EPHA6: variants seen among roughly 807,000 people sequenced by gnomAD.
EPHA6 encodes EPH receptor A6, also known as ephrin type-A receptor 6.
EPHA6 carries 50 observed loss-of-function variants against 112.0 expected under a neutral mutation model. That is an observed-to-expected ratio of 0.45 (90% CI 0.36 to 0.56). EPHA6 has a LOEUF of 0.56. EPHA6 is among the 20% of genes least tolerant of loss of function. The pLI, the probability that EPHA6 is intolerant of heterozygous loss-of-function variation, is 0.00. For synonymous variants in EPHA6, 529 were observed against 490.7 expected (o/e 1.08, Z -1.03); for missense variants, 1,280 against 1,417.4 (o/e 0.90, Z 1.56).
chr3:96,840,501 C>T (rs1199950321), intron 1 of EPHA6, among the ~76,000 whole-genome samples: 1 of 152,042 alleles, frequency 6.6e-6, no homozygotes, highest in Non-Finnish European at 1.5e-5. Flanking sequence ...TATTCTGGAC[C>T]TTGGGCCTGT....
chr3:97,298,762 GT>G (rs1171817884), intron 5 of EPHA6, among the ~76,000 whole-genome samples: 2 of 151,790 alleles, frequency 1.3e-5, no homozygotes, highest in Non-Finnish European at 2.9e-5. Context: ...ATATTGAAAG[GT>G]TTTTAGATTG....
chr3:97,599,445 A>G, intron 12 of EPHA6, among the ~76,000 whole-genome samples: 1 of 141,692 alleles, frequency 7.1e-6, no homozygotes, highest in Non-Finnish European at 1.5e-5. Flanking sequence ...ATTTTTGTAT[A>G]AGGTGTAAGG....
intron 2 of EPHA6, among the ~76,000 whole-genome samples, chr3:96,881,920 C>G (rs2037336884): frequency 6.6e-6 from 1 of 152,222 alleles, no homozygotes; most frequent in Non-Finnish European, 1.5e-5. Flanking sequence ...GACTCCATGT[C>G]TCACATCCAG....
Position 97,453,404 on chromosome 3 carries a change from T to G in EPHA6, c.1894+4674T>G, listed in dbSNP as rs377613231. 4.0e-5 allele frequency among the ~76,000 whole-genome samples: 6 copies of G among 151,838 alleles called. No homozygotes were observed. In the East Asian group the frequency reaches 7.7e-4, roughly 20 times the overall value. On this transcript the variant is annotated intron_variant, in intron 7 of 17. Transcript: ENST00000389672. ...ATTCCTCTTTTCTGAAAAGATTAAT[T>G]ACAGCTTACATTTTAACAACACGTA...
At chr3:97,215,565 C>A (rs1247057943) in intron 3 of EPHA6, among the ~76,000 whole-genome samples, 1 of 150,124 alleles carries the variant, frequency 6.7e-6, no homozygotes. Flanking sequence ...GAGCTGAGAT[C>A]ATGTCACTGC....
At chr3:96,886,402 G>A (rs904876076) in intron 2 of EPHA6, among the ~76,000 whole-genome samples, 1 of 152,212 alleles carries the variant, frequency 6.6e-6, no homozygotes, top group East Asian at 1.9e-4. Flanking sequence ...TTTCCTCTTG[G>A]ACAAGGCCTT....
rs773494410 is a variant in EPHA6, at chr3:97,592,655, C to A, written c.2430C>A (p.Phe810Leu). The A allele has an allele frequency of 1.9e-6, 3 of 1,613,644 alleles. No homozygotes were observed. Among genetic ancestry groups the A allele is most frequent in the Admixed American group, 3.3e-5 (2 of 59,940 alleles). The change falls in exon 12 of 18, where the codon TTC becomes TTA. Residue 810 changes from phenylalanine to leucine, a missense_variant. Physicochemically the swap from Phe to Leu is conservative, Grantham distance 22. Transcript: ENST00000389672. ...GGGTGGAGGCGTTTTGCCCCAGCTT[C>A]CTGAGGGCAGGGTTTTTAAATAGCA... Reference protein sequence around the residue: ...AIGVEAFCPSFLRAGFLNSIQ... With the variant: ...AIGVEAFCPSLLRAGFLNSIQ...
intron 5 of EPHA6, among the ~76,000 whole-genome samples, chr3:97,268,431 A>T (rs568680238): frequency 6.6e-6 from 1 of 152,258 alleles, no homozygotes; most frequent in East Asian, 1.9e-4. Flanking sequence ...TGTTAATTTA[A>T]CTATTTAAAA....
At chr3:97,435,390 G>A (rs1298180291) in intron 6 of EPHA6, among the ~76,000 whole-genome samples, 1 of 151,948 alleles carries the variant, frequency 6.6e-6, no homozygotes, top group Non-Finnish European at 1.5e-5. Context: ...ATATTATAGG[G>A]TAAAAAATAG....
At chr3:97,382,741 T>C (rs2085828213) in intron 5 of EPHA6, among the ~76,000 whole-genome samples, 3 of 152,000 alleles carry the variant, frequency 2.0e-5, no homozygotes, top group Admixed American at 6.6e-5. Context: ...CAGTTTTCAA[T>C]ATGTTGAAAA....
intron 2 of EPHA6, among the ~76,000 whole-genome samples, chr3:96,878,276 G>C (rs1486995022): frequency 1.3e-5 from 2 of 151,834 alleles, no homozygotes; most frequent in Non-Finnish European, 2.9e-5. Context: ...AGGCACATTA[G>C]AAGACATGAA....
At chr3:97,336,110 A>C (rs1316751667) in intron 5 of EPHA6, among the ~76,000 whole-genome samples, 1 of 152,146 alleles carries the variant, frequency 6.6e-6, no homozygotes, top group Non-Finnish European at 1.5e-5. Context: ...CTCCAGTTGC[A>C]TGACTCCTAA....
At chr3:97,699,771 C>T (rs1312017020) in intron 14 of EPHA6, among the ~76,000 whole-genome samples, 2 of 152,184 alleles carry the variant, frequency 1.3e-5, no homozygotes, top group African/African-American at 4.8e-5. Context: ...AAATTAACTC[C>T]TTTTTAACCA....
At chr3:96,948,614 A>G (rs2041390314) in intron 2 of EPHA6, among the ~76,000 whole-genome samples, 1 of 152,192 alleles carries the variant, frequency 6.6e-6, no homozygotes, top group Non-Finnish European at 1.5e-5. Context: ...TGGTAAAAGG[A>G]AAGTCTTTAT....
intron 14 of EPHA6, among the ~76,000 whole-genome samples, chr3:97,687,528 G>T (rs975824825): frequency 1.3e-5 from 2 of 152,192 alleles, no homozygotes; most frequent in Non-Finnish European, 2.9e-5. Context: ...ATGAGACGCT[G>T]AGGAGTTATG....
intron 14 of EPHA6, among the ~76,000 whole-genome samples, chr3:97,649,499 A>C (rs1164195363): frequency 6.6e-6 from 1 of 152,120 alleles, no homozygotes; most frequent in East Asian, 1.9e-4. Flanking sequence ...CAGAGAATTC[A>C]CTGGGAAATT....
At chr3:97,263,908 T>G (rs2079584583) in intron 5 of EPHA6, among the ~76,000 whole-genome samples, 1 of 152,218 alleles carries the variant, frequency 6.6e-6, no homozygotes, top group African/African-American at 2.4e-5. Context: ...CAATGCTATT[T>G]ATTGACATAA....
chr3:97,289,722 T>G (rs1393452544), intron 5 of EPHA6, among the ~76,000 whole-genome samples: 3 of 152,166 alleles, frequency 2.0e-5, no homozygotes. Flanking sequence ...TTTGTTTGTG[T>G]CATCTCTGAT....
chr3:97,444,266 G>A (rs1470529859), intron 6 of EPHA6, among the ~76,000 whole-genome samples: 1 of 151,970 alleles, frequency 6.6e-6, no homozygotes, highest in African/African-American at 2.4e-5. Context: ...ACACCTTTTA[G>A]AAATCCCAAT....
Sources: allele counts gnomAD v4.1 joint callset (sites outside exome capture counted in the v4.1 genomes callset), GRCh38; gene constraint gnomAD v4.1.1; transcripts MANE v1.5; gene names NCBI Gene and HGNC (gene_info 2026-07-23, HGNC 2026-07-21).